Variants in GPHN observed in about 807,000 individuals in gnomAD.
The protein encoded by GPHN is gephyrin.
In GPHN, 17 loss-of-function variants were observed where a neutral mutation model predicts 95.5. The observed-to-expected ratio is 0.18, with a 90% CI of 0.12 to 0.27. The LOEUF is 0.27. Among genes scored for constraint, GPHN ranks in the 10% least tolerant of loss-of-function variants. GPHN has a pLI of 1.00. For synonymous variants in GPHN, 320 were observed against 322.5 expected (o/e 0.99, Z 0.08); for missense variants, 660 against 978.1 (o/e 0.67, Z 4.34).
intron 9 of GPHN, among the ~76,000 whole-genome samples, chr14:66,967,510 G>T (rs2069424815): frequency 6.6e-6 from 1 of 151,736 alleles, no homozygotes; most frequent in African/African-American, 2.4e-5. Context: ...CCAAATGCTT[G>T]GGACCAGAAG....
chr14:67,722,678 C>G, the GPHN span: 3 of 1,613,858 alleles, frequency 1.9e-6, no homozygotes, highest in African/African-American at 4.0e-5. Flanking sequence ...CCTCCTTCTT[C>G]TCGTTCCTGT....
chr14:66,849,115 T>G (rs955941075), intron 4 of GPHN, among the ~76,000 whole-genome samples: 1 of 151,904 alleles, frequency 6.6e-6, no homozygotes, highest in Non-Finnish European at 1.5e-5. Context: ...TTAAATAAAT[T>G]GACTTGGATG....
the GPHN span, among the ~76,000 whole-genome samples, chr14:67,537,646 C>T: frequency 6.6e-6 from 1 of 152,070 alleles, no homozygotes. Context: ...GCCTGGGCAA[C>T]AGAGTGAGAC....
At chr14:66,648,051 A>T (rs1373849541) in intron 1 of GPHN, among the ~76,000 whole-genome samples, 1 of 152,126 alleles carries the variant, frequency 6.6e-6, no homozygotes, top group Non-Finnish European at 1.5e-5. Flanking sequence ...AAATAACTGA[A>T]GTGTGTTTTG....
chr14:66,681,768 A>T (rs6573702), intron 2 of GPHN, among the ~76,000 whole-genome samples: 47,153 of 151,670 alleles, frequency 0.31, 11,133 homozygotes, highest in African/African-American at 0.64. Flanking sequence ...TATTTCATAA[A>T]TTTTTTTTAC....
intron 8 of GPHN, among the ~76,000 whole-genome samples, chr14:66,936,844 A>T (rs2067155823): frequency 6.6e-6 from 1 of 152,230 alleles, no homozygotes; most frequent in Non-Finnish European, 1.5e-5. Flanking sequence ...GCTCCTGATC[A>T]GGACTAAACT....
intron 1 of GPHN, among the ~76,000 whole-genome samples, chr14:66,649,998 C>G (rs553309498): frequency 8.7e-5 from 13 of 150,026 alleles, no homozygotes; most frequent in South Asian, 4.2e-4. Flanking sequence ...TAACCCTACC[C>G]AAAATAAGTA....
the GPHN span, chr14:67,555,991 T>C: frequency 5.6e-6 from 8 of 1,427,718 alleles, no homozygotes; most frequent in Admixed American, 1.4e-4. Context: ...CCAGCAGTAC[T>C]GTGTTATACC....
At chr14:66,889,246 A>G (rs113583852) in intron 5 of GPHN, among the ~76,000 whole-genome samples, 16 of 152,254 alleles carry the variant, frequency 1.1e-4, no homozygotes, top group African/African-American at 1.7e-4. Context: ...TAAACCAACT[A>G]GATACAACCC....
intron 5 of GPHN, among the ~76,000 whole-genome samples, chr14:66,904,663 G>A (rs1022765858): frequency 5.1e-4 from 78 of 152,218 alleles, no homozygotes; most frequent in Middle Eastern, 3.4e-3. Flanking sequence ...GGAATTGGGC[G>A]ATGCTTGCTC....
intron 2 of GPHN, among the ~76,000 whole-genome samples, chr14:66,705,276 A>G (rs1017953785): frequency 1.3e-5 from 2 of 152,268 alleles, no homozygotes; most frequent in Non-Finnish European, 2.9e-5. Flanking sequence ...AATTATTCCA[A>G]ACAGTTGAAA....
intron 9 of GPHN, among the ~76,000 whole-genome samples, chr14:66,995,659 T>C (rs568985279): frequency 4.8e-4 from 73 of 152,350 alleles, no homozygotes; most frequent in African/African-American, 1.7e-3. Flanking sequence ...AGTGCATTTC[T>C]GATTCTTCTA....
At position 67,152,918 on chromosome 14, in the gene GPHN, T is replaced by C. The variant is rs527573586; in HGVS notation, c.1837-6497T>C. Reference sequence around the variant, plus strand: ...AGTCAGAGGTTGCACTGAGCCAAGATTGTGCCACTGCACTCCAGCCTGGTG... The same window carrying C: ...AGTCAGAGGTTGCACTGAGCCAAGACTGTGCCACTGCACTCCAGCCTGGTG... On this transcript the variant is annotated intron_variant, in intron 18 of 22. Transcript: ENST00000478722. Among the ~76,000 whole-genome samples the C allele has an allele frequency of 3.9e-5, 6 of 152,118 alleles. No homozygotes were observed. In the East Asian group the frequency reaches 1.2e-3, roughly 29 times the overall value.
At chr14:66,558,992 G>GT (rs1438887822) in intron 1 of GPHN, among the ~76,000 whole-genome samples, 2 of 151,174 alleles carry the variant, frequency 1.3e-5, no homozygotes, top group Admixed American at 6.6e-5. Flanking sequence ...GTGGTGTTTG[G>GT]TTTTTTGTCC....
At chr14:67,314,428 G>C in the GPHN span, among the ~76,000 whole-genome samples, 267 of 152,314 alleles carry the variant, frequency 1.8e-3, 1 homozygote, top group Middle Eastern at 6.8e-3. Flanking sequence ...TCAGAGGCTA[G>C]AAACAGATTT....
the GPHN span, chr14:67,474,060 T>A: frequency 2.6e-6 from 3 of 1,138,664 alleles, no homozygotes; most frequent in Non-Finnish European, 3.6e-6. Context: ...CAAACCAGCC[T>A]GGCCATCATG....
At chr14:67,213,117 CAGAT>C in the GPHN span, among the ~76,000 whole-genome samples, 12 of 147,544 alleles carry the variant, frequency 8.1e-5, no homozygotes, top group Non-Finnish European at 1.2e-4. Flanking sequence ...TTTTACTTCT[CAGAT>C]AGCTGTTCTG....
intron 4 of GPHN, among the ~76,000 whole-genome samples, chr14:66,876,830 G>A (rs1232746431): frequency 6.6e-6 from 1 of 152,090 alleles, no homozygotes; most frequent in African/African-American, 2.4e-5. Flanking sequence ...ACAGGAGCTG[G>A]TACCATTTGT....
Position 66,878,047 on chromosome 14 carries a change from A to C in GPHN, c.295-1892A>C, listed in dbSNP as rs377208169. 2.4e-4 allele frequency among the ~76,000 whole-genome samples: 36 copies of C among 152,324 alleles called. 1 individual carries two copies. Among genetic ancestry groups the C allele is most frequent in the East Asian group, 1.2e-3 (6 of 5,184 alleles). ...CAGATATATAGACCAATGGAACAGA[A>C]CAGAGGCCTCAGAAATAACACCACA... On this transcript the variant is annotated intron_variant, in intron 4 of 22. Coordinates refer to ENST00000478722, the MANE Select transcript of GPHN (RefSeq NM_020806.5).
Sources: gnomAD v4.1 joint callset for allele counts (sites outside exome capture counted in the v4.1 genomes callset) on GRCh38, gnomAD v4.1.1 for gene constraint, MANE v1.5 for transcripts, NCBI Gene and HGNC (gene_info 2026-07-23, HGNC 2026-07-21) for gene names.